The following FGF14 variants were observed in gnomAD, a reference collection of about 807,000 sequenced individuals.
The protein encoded by FGF14 is fibroblast growth factor homologous factor 4.
FGF14 carries 5 observed loss-of-function variants against 25.5 expected under a neutral mutation model. That is an observed-to-expected ratio of 0.20 (90% CI 0.10 to 0.41). FGF14 has a LOEUF of 0.41. Among genes scored for constraint, FGF14 ranks in the 10% least tolerant of loss-of-function variants. The pLI, the probability that FGF14 is intolerant of heterozygous loss-of-function variation, is 1.00. For missense variants in FGF14, 222 were observed against 320.1 expected, an observed-to-expected ratio of 0.69 and a Z score of 2.34; for synonymous variants, 138 against 118.3, an observed-to-expected ratio of 1.17 and a Z score of -1.08.
chr13:102,385,028 A>G (rs2058269083), intron 1 of FGF14, among the ~76,000 whole-genome samples: 1 of 152,198 alleles, frequency 6.6e-6, no homozygotes, highest in African/African-American at 2.4e-5. Flanking sequence ...ATTGGCAACT[A>G]TTGTCAAGTA....
chr13:102,232,959 C>T (rs1000129844), intron 1 of FGF14, among the ~76,000 whole-genome samples: 3 of 152,142 alleles, frequency 2.0e-5, no homozygotes, highest in African/African-American at 7.2e-5. Flanking sequence ...TGTCCCCCAC[C>T]TTTTCCGGTG....
chr13:101,825,433 A>G (rs2042352228), intron 3 of FGF14, among the ~76,000 whole-genome samples: 1 of 152,226 alleles, frequency 6.6e-6, no homozygotes, highest in African/African-American at 2.4e-5. Flanking sequence ...AACTTTTACT[A>G]AAGTGCTATT....
At chr13:102,311,543 CTCCCA>C (rs2055767797) in intron 1 of FGF14, among the ~76,000 whole-genome samples, 1 of 152,152 alleles carries the variant, frequency 6.6e-6, no homozygotes, top group South Asian at 2.1e-4. Context: ...TGGAAAAACA[CTCCCA>C]TTACAATTCA....
intron 1 of FGF14, among the ~76,000 whole-genome samples, chr13:102,092,263 C>A (rs550343146): frequency 1.8e-4 from 28 of 152,248 alleles, no homozygotes; most frequent in African/African-American, 6.3e-4. Flanking sequence ...TATAGCCATG[C>A]CATACAAGAT....
intron 1 of FGF14, among the ~76,000 whole-genome samples, chr13:102,369,841 T>C (rs1440111860): frequency 6.6e-6 from 1 of 152,244 alleles, no homozygotes; most frequent in Admixed American, 6.5e-5. Flanking sequence ...AAGAAAGTCC[T>C]TACATATAAA....
In FGF14 at chr13:102,042,515, TAATATATCCTCAGA is replaced by T. The variant is rs373072396; in HGVS notation, c.209-167233_209-167220del. 3.3e-3 allele frequency among the ~76,000 whole-genome samples: 499 copies of T among 152,252 alleles called. 2 individuals carry two copies. Among genetic ancestry groups the T allele is most frequent in the African/African-American group, 0.011 (475 of 41,540 alleles). ...TTTCCAACATGTCTTTTTTATTCAG[TAATATATCCTCAGA>T]ACCTAGAACAGGGCCTGGCATATAG... On this transcript the variant is annotated intron_variant, in intron 1 of 4. Transcript: ENST00000376131.
At chr13:102,038,961 G>A (rs1420650201) in intron 1 of FGF14, among the ~76,000 whole-genome samples, 2 of 152,126 alleles carry the variant, frequency 1.3e-5, no homozygotes, top group African/African-American at 2.4e-5. Context: ...TACTGTACCA[G>A]GTGCTGTACT....
chr13:101,901,107 G>A (rs2031489174), intron 1 of FGF14, among the ~76,000 whole-genome samples: 1 of 151,934 alleles, frequency 6.6e-6, no homozygotes, highest in Admixed American at 6.6e-5. Flanking sequence ...TTTCCCACAG[G>A]TTGGGAAGAA....
At chr13:102,092,975 G>A (rs1273304088) in intron 1 of FGF14, among the ~76,000 whole-genome samples, 2 of 152,178 alleles carry the variant, frequency 1.3e-5, no homozygotes, top group Non-Finnish European at 2.9e-5. Flanking sequence ...AGTTAGGGGA[G>A]AAAGTACACA....
rs887967424 is a variant in FGF14, at chr13:102,079,851, G to A, written c.209-204555C>T. Reference sequence around the variant, plus strand: ...AGGGAAAAAGCCTCATTATGAAGACGACCTTTGAGCAAAGACCTAAAGAAT... The same window carrying A: ...AGGGAAAAAGCCTCATTATGAAGACAACCTTTGAGCAAAGACCTAAAGAAT... On this transcript the variant is annotated intron_variant, in intron 1 of 4. Transcript: ENST00000376131. Among the ~76,000 whole-genome samples, 7 of 152,118 alleles carry A rather than the reference G, an allele frequency of 4.6e-5. No individual in the cohort carries two copies. The East Asian group carries it at 5.8e-4, about 13-fold the overall frequency.
At chr13:101,958,729 A>G (rs1343176147) in intron 1 of FGF14, among the ~76,000 whole-genome samples, 1 of 152,222 alleles carries the variant, frequency 6.6e-6, no homozygotes, top group Admixed American at 6.5e-5. Flanking sequence ...ATCTCAGAAC[A>G]TATGCACCTC....
intron 1 of FGF14, chr13:102,395,059 C>T (rs1595051753): frequency 6.6e-6 from 1 of 152,394 alleles, no homozygotes; most frequent in East Asian, 1.9e-4. Flanking sequence ...CCAAATAGAT[C>T]AGGGTGGTAG....
chr13:101,966,251 A>G (rs867021115), intron 1 of FGF14, among the ~76,000 whole-genome samples: 4 of 152,184 alleles, frequency 2.6e-5, no homozygotes, highest in Non-Finnish European at 5.9e-5. Flanking sequence ...GGAAATTTAG[A>G]CACAGAGAAA....
intron 1 of FGF14, among the ~76,000 whole-genome samples, chr13:102,220,583 TC>T (rs1256435734): frequency 6.6e-6 from 1 of 152,220 alleles, no homozygotes; most frequent in Non-Finnish European, 1.5e-5. Context: ...TAGTTAGTCT[TC>T]CCTGTCTAAT....
chr13:102,117,849 G>GT (rs1214514263), intron 1 of FGF14, among the ~76,000 whole-genome samples: 4 of 152,188 alleles, frequency 2.6e-5, no homozygotes, highest in Non-Finnish European at 5.9e-5. Context: ...AAAAGAAACA[G>GT]TGGCAGTATA....
In FGF14 at chr13:101,719,770, A is replaced by C. The variant is rs867562925; in HGVS notation, c.*3061T>G. 6.6e-6 allele frequency: 1 copy of C among 152,098 alleles called. No homozygotes were observed. The highest frequency in any genetic ancestry group is 2.4e-5 in the African/African-American group (1 of 41,444). 9.4% of individuals were successfully genotyped at this position (152,098 alleles called of 1,614,324 possible). On this transcript the variant is annotated 3_prime_UTR_variant, in exon 5 of 5. Transcript: ENST00000376143. ...ATGCACATGGAGGTACAAAACACAC[A>C]GTCTAAATACAAATGAATTCCATCA...
At chr13:102,152,458 T>A (rs866182763) in intron 1 of FGF14, among the ~76,000 whole-genome samples, 6 of 152,346 alleles carry the variant, frequency 3.9e-5, no homozygotes, top group African/African-American at 1.4e-4. Flanking sequence ...TCTGTGTGTG[T>A]CTGTGTCATG....
chr13:101,918,405 G>T (rs1331329530), upstream of FGF14, among the ~76,000 whole-genome samples: 1 of 152,164 alleles, frequency 6.6e-6, no homozygotes, highest in East Asian at 1.9e-4. Context: ...TAGACTTCTG[G>T]AAATTCAGTG....
chr13:101,861,480 T>A (rs1261082237), intron 3 of FGF14, among the ~76,000 whole-genome samples: 1 of 152,242 alleles, frequency 6.6e-6, no homozygotes, highest in East Asian at 1.9e-4. Context: ...CTTTCCACAG[T>A]TCCTCAGAAA....
Sources: gnomAD v4.1 joint callset for allele counts (sites outside exome capture counted in the v4.1 genomes callset) on GRCh38, gnomAD v4.1.1 for gene constraint, MANE v1.5 for transcripts, NCBI Gene and HGNC (gene_info 2026-07-23, HGNC 2026-07-21) for gene names.